The following GPAT3 variants were observed in gnomAD, a reference collection of about 807,000 sequenced individuals.
GPAT3 encodes the protein glycerol-3-phosphate acyltransferase 3.
GPAT3 carries 53 observed loss-of-function variants against 58.8 expected under a neutral mutation model. The observed-to-expected ratio is 0.90, with a 90% confidence interval of 0.72 to 1.13. The LOEUF is 1.13. Among genes scored for constraint, GPAT3 ranks in the 50% most tolerant of loss-of-function variants. The pLI is 0.00. For missense variants in GPAT3, 511 were observed against 527.6 expected (o/e 0.97, Z 0.31); for synonymous variants, 197 against 187.4 (o/e 1.05, Z -0.42).
chr4:83,588,309 T>C lies in GPAT3; in HGVS notation c.644+10T>C. 3 of 1,458,018 alleles carry C rather than the reference T, an allele frequency of 2.1e-6. No homozygotes were observed. The South Asian group carries it at 3.5e-5, about 17-fold the overall frequency. The allele number at this position is 1,458,018 out of a possible 1,614,324, so 90.3% of individuals were successfully genotyped here. On this transcript the variant is annotated intron_variant, in intron 5 of 11. Coordinates refer to ENST00000264409, the MANE Select transcript of GPAT3 (RefSeq NM_032717.5). ...TTCATTATCATAACAAGTGAGTATC[T>C]GCTCCAATGTGCCTGTCTTTTTCTA...
intron 1 of GPAT3, 97 bp from the exon 2 acceptor site, chr4:83,544,439 G>C: frequency 8.1e-7 from 1 of 1,229,548 alleles, no homozygotes; most frequent in South Asian, 1.2e-5. Flanking sequence ...CACTGCCAGA[G>C]CTTGATGTGT....
chr4:83,545,352 G>A (rs952045746), intron 2 of GPAT3, among the ~76,000 whole-genome samples: 3 of 151,914 alleles, frequency 2.0e-5, no homozygotes, highest in African/African-American at 4.8e-5. Context: ...GTCCTGAGGT[G>A]GGAGGATCAC....
intron 2 of GPAT3, among the ~76,000 whole-genome samples, chr4:83,562,613 T>G (rs1725218373): frequency 6.6e-6 from 1 of 151,882 alleles, no homozygotes; most frequent in Admixed American, 6.6e-5. Flanking sequence ...TTGGGAATTA[T>G]TTGCAGAGGG....
rs201805242 is a variant in GPAT3, at chr4:83,604,773, C to T, written c.*6C>T. On this transcript the variant is annotated 3_prime_UTR_variant, in exon 12 of 12. Transcript: ENST00000264409. ...GCAATGGATCTCTCAGCTAAGAGGACGGATGACAGCCTTTAGATCTAGAAC... is the reference window on the plus strand; with the variant it reads ...GCAATGGATCTCTCAGCTAAGAGGATGGATGACAGCCTTTAGATCTAGAAC... 3.8e-5 allele frequency: 61 copies of T among 1,610,240 alleles called. No homozygotes were observed. Among genetic ancestry groups the T allele is most frequent in the East Asian group, 1.6e-4 (7 of 44,804 alleles).
chr4:83,598,982 T>TTTTATTTTATTA, intron 11 of GPAT3, among the ~76,000 whole-genome samples: 1 of 151,720 alleles, frequency 6.6e-6, no homozygotes, highest in Non-Finnish European at 1.5e-5. Context: ...AGAGATGGGG[T>TTTTATTTTATTA]GTCCTTGTGT....
intron 2 of GPAT3, among the ~76,000 whole-genome samples, chr4:83,546,307 C>T (rs538312941): frequency 1.1e-3 from 171 of 150,550 alleles, no homozygotes; most frequent in African/African-American, 4.1e-3. Context: ...TTAAAGGACA[C>T]AAAGTATTTC....
At chr4:83,570,697 T>G (rs1265036451) in intron 2 of GPAT3, among the ~76,000 whole-genome samples, 1 of 152,160 alleles carries the variant, frequency 6.6e-6, no homozygotes, top group African/African-American at 2.4e-5. Context: ...GGTCTCGAAC[T>G]CCTGATCTCA....
At chr4:83,537,129 G>A (rs1185701506) in intron 1 of GPAT3, among the ~76,000 whole-genome samples, 1 of 152,122 alleles carries the variant, frequency 6.6e-6, no homozygotes, top group Non-Finnish European at 1.5e-5. Flanking sequence ...CGCTTCACCC[G>A]CTTGTTTTTA....
chr4:83,584,318 A>C (rs1254471827), intron 3 of GPAT3, among the ~76,000 whole-genome samples: 2 of 152,238 alleles, frequency 1.3e-5, no homozygotes, highest in Non-Finnish European at 2.9e-5. Context: ...ATCCAAGAAC[A>C]AAAAGAAAAT....
In GPAT3 at chr4:83,588,215, A is replaced by C; in HGVS notation, c.560A>C (p.Lys187Thr). 6.2e-7 allele frequency: 1 copy of C among 1,614,006 alleles called. No individual in the cohort carries two copies. Among genetic ancestry groups the C allele is most frequent in the East Asian group, 2.2e-5 (1 of 44,882 alleles). Residue 187 changes from lysine to threonine, a missense_variant, in exon 5 of 12, where the codon AAA (lysine) becomes ACA (threonine). Transcript: ENST00000264409. ...LVGQLPDSSL[K>T]NWLSELVHLT... is the part of the protein sequence containing the mutation. ...AATGTTTCTATTTCCTTCAGCCTCA[A>C]AAACTGGCTGAGTGAACTGGTCCAT...
At chr4:83,562,200 ATATATATATAT>A (rs1264777565) in intron 2 of GPAT3, among the ~76,000 whole-genome samples, 2 of 32,970 alleles carry the variant, frequency 6.1e-5, no homozygotes, top group African/African-American at 2.4e-4. Context: ...TATATATATA[ATATATATATAT>A]TATATATATA....
Position 83,575,119 on chromosome 4 carries a change from G to C in GPAT3, c.209-6443G>C, listed in dbSNP as rs565045942. Among the ~76,000 whole-genome samples the C allele has an allele frequency of 4.2e-4, 63 of 151,542 alleles. 2 individuals carry two copies. The highest frequency in any genetic ancestry group is 2.6e-3 in the Admixed American group (39 of 15,234). On this transcript the variant is annotated intron_variant, in intron 2 of 11. Transcript: ENST00000264409. ...TCTCGATCTCCTGACCTCGTGATCCGCCCGCCTCGGCCTCCCAAAGTGCTG... is the reference window on the plus strand; with the variant it reads ...TCTCGATCTCCTGACCTCGTGATCCCCCCGCCTCGGCCTCCCAAAGTGCTG...
chr4:83,581,208 T>C (rs1726111050), intron 2 of GPAT3, among the ~76,000 whole-genome samples: 1 of 152,084 alleles, frequency 6.6e-6, no homozygotes, highest in Non-Finnish European at 1.5e-5. Context: ...CAGAAGTCTT[T>C]GTTTTTACAC....
At chr4:83,551,791 C>G (rs1001762506) in intron 2 of GPAT3, among the ~76,000 whole-genome samples, 9 of 60,954 alleles carry the variant, frequency 1.5e-4, no homozygotes, top group Non-Finnish European at 9.3e-5. Context: ...GACTCCATCT[C>G]GGAAAAAAAA....
chr4:83,561,094 A>G (rs530575737), intron 2 of GPAT3, among the ~76,000 whole-genome samples: 156 of 152,368 alleles, frequency 1.0e-3, no homozygotes, highest in Middle Eastern at 3.4e-3. Context: ...GAGACAGTGT[A>G]TACACATAGC....
chr4:83,593,944 C>G (rs1363576402), intron 6 of GPAT3, among the ~76,000 whole-genome samples: 1 of 152,182 alleles, frequency 6.6e-6, no homozygotes, highest in Admixed American at 6.5e-5. Context: ...AAGGTATACT[C>G]ATTGAAGTGC....
intron 2 of GPAT3, among the ~76,000 whole-genome samples, chr4:83,553,674 G>A (rs1724836823): frequency 6.6e-6 from 1 of 152,060 alleles, no homozygotes; most frequent in Admixed American, 6.6e-5. Flanking sequence ...TGAGGCAGGT[G>A]GACTGCTTGA....
chr4:83,545,474 A>G (rs1245017245), intron 2 of GPAT3, among the ~76,000 whole-genome samples: 1 of 151,768 alleles, frequency 6.6e-6, no homozygotes, highest in Non-Finnish European at 1.5e-5. Context: ...ACTATCAAAT[A>G]CTTTACTGGA....
In GPAT3 at chr4:83,598,251, C is replaced by G. The variant is rs2110110048; in HGVS notation, c.1125+72C>G. Reference sequence around the variant, plus strand: ...TCTTCACCTGAAAATCTGGGTGTCTCCCTTCTCCATGTCATGCTTTTCTGC... The same window carrying G: ...TCTTCACCTGAAAATCTGGGTGTCTGCCTTCTCCATGTCATGCTTTTCTGC... On this transcript the variant is annotated intron_variant, in intron 10 of 11. Transcript: ENST00000264409. 5.1e-6 allele frequency: 8 copies of G among 1,559,080 alleles called. No individual in the cohort carries two copies. In the South Asian group the frequency reaches 7.2e-5, roughly 14 times the overall value.
Sources: allele counts gnomAD v4.1 joint callset (sites outside exome capture counted in the v4.1 genomes callset), GRCh38; gene constraint gnomAD v4.1.1; transcripts MANE v1.5; gene names NCBI Gene and HGNC (gene_info 2026-07-23, HGNC 2026-07-21).